The following BIRC6 variants were observed in gnomAD, a reference collection of about 807,000 sequenced individuals.
BIRC6 encodes dual E2 ubiquitin-conjugating enzyme/E3 ubiquitin-protein ligase BIRC6.
Under a neutral mutation model 503.3 loss-of-function variants are expected in BIRC6, and 98 were observed. The ratio of observed to expected loss-of-function variants is 0.19; its 90% CI spans 0.17 to 0.23. BIRC6 has a LOEUF of 0.23. Ranked by LOEUF, BIRC6 falls within the 10% of genes least tolerant of loss-of-function variation. BIRC6 has a pLI of 1.00. For synonymous variants in BIRC6, 2,240 were observed against 2,078.7 expected (o/e 1.08, Z -2.11); for missense variants, 5,360 against 5,806.0 (o/e 0.92, Z 2.50).
intron 65 of BIRC6, chr2:32,557,581 C>T (rs2058868041): frequency 6.6e-6 from 1 of 152,136 alleles, no homozygotes; most frequent in Non-Finnish European, 1.5e-5. Flanking sequence ...GCTCTTAGAG[C>T]AAGGGAGTTA....
At chr2:32,608,606 G>A (rs965379648) in intron 72 of BIRC6, among the ~76,000 whole-genome samples, 4 of 151,888 alleles carry the variant, frequency 2.6e-5, no homozygotes, top group Admixed American at 6.6e-5. Flanking sequence ...TAGTAGAGAC[G>A]GGGTTTCACC....
chr2:32,395,760 G>C (rs1265102592), intron 6 of BIRC6, among the ~76,000 whole-genome samples, 167 bp downstream of exon 6: 1 of 152,116 alleles, frequency 6.6e-6, no homozygotes, highest in Non-Finnish European at 1.5e-5. Context: ...CACACCACTT[G>C]GCATACAGTG....
chr2:32,526,555 G>C (rs1023674513), intron 59 of BIRC6: 1 of 152,396 alleles, frequency 6.6e-6, no homozygotes, highest in African/African-American at 2.4e-5. Flanking sequence ...TGGTGTTGGA[G>C]TGACCACCAT....
intron 32 of BIRC6, 31 bp from the exon 33 acceptor site, chr2:32,473,081 A>G (rs1276684112): frequency 6.6e-7 from 1 of 1,525,144 alleles, no homozygotes; most frequent in South Asian, 1.3e-5. Context: ...ATTTAACAGA[A>G]TTATTAATAC....
intron 21 of BIRC6, among the ~76,000 whole-genome samples, chr2:32,448,246 C>G (rs1160033585): frequency 4.3e-5 from 4 of 92,838 alleles, no homozygotes; most frequent in Admixed American, 2.3e-4. Flanking sequence ...ACTTCCCAGA[C>G]GGGGTGGCGG....
chr2:32,545,175 A>T (rs1203356041), intron 62 of BIRC6, among the ~76,000 whole-genome samples: 1 of 152,138 alleles, frequency 6.6e-6, no homozygotes. Context: ...TCCATGTAGC[A>T]TTGCTTTCTT....
intron 66 of BIRC6, among the ~76,000 whole-genome samples, chr2:32,586,028 G>A (rs2060998148): frequency 6.6e-6 from 1 of 152,134 alleles, no homozygotes; most frequent in Non-Finnish European, 1.5e-5. Context: ...TTCTGATACT[G>A]TTGATGTTCA....
At chr2:32,500,857 A>T (rs1297966401) in intron 46 of BIRC6, among the ~76,000 whole-genome samples, 1 of 151,688 alleles carries the variant, frequency 6.6e-6, no homozygotes. Flanking sequence ...TGCCCACCTC[A>T]GCCTCCGAAA....
chr2:32,547,705 T>C (rs1280310529), intron 63 of BIRC6, 145 bp from the exon 64 acceptor site: 3 of 655,310 alleles, frequency 4.6e-6, no homozygotes, highest in Non-Finnish European at 7.4e-6. Flanking sequence ...TGCTGGGTCA[T>C]ACAGAAAATC....
chr2:32,610,052 A>C (rs746048624), intron 72 of BIRC6, among the ~76,000 whole-genome samples: 1 of 151,980 alleles, frequency 6.6e-6, no homozygotes, highest in Non-Finnish European at 1.5e-5. Context: ...GTCCCATCTG[A>C]TTCTGTTGTT....
chr2:32,376,744 A>G (rs1046375794), intron 1 of BIRC6, among the ~76,000 whole-genome samples: 1 of 152,192 alleles, frequency 6.6e-6, no homozygotes, highest in African/African-American at 2.4e-5. Context: ...CTTCTTATGC[A>G]TACCTGTAAT....
At chr2:32,409,593 A>G (rs2041629990) in intron 9 of BIRC6, among the ~76,000 whole-genome samples, 1 of 152,194 alleles carries the variant, frequency 6.6e-6, no homozygotes, top group African/African-American at 2.4e-5. Flanking sequence ...CACAGATCAG[A>G]ATTAAGTATA....
chr2:32,502,778 C>T lies in BIRC6; in HGVS notation c.9208-17C>T. On this transcript the variant is annotated splice_polypyrimidine_tract_variant and intron_variant, in intron 47 of 73. Coordinates refer to ENST00000421745, the MANE Select transcript of BIRC6 (RefSeq NM_016252.4). ...CAGGAATATATAAAGTCATAATATG[C>T]ATATTTCATTTTTTAGGGCTCTCTT... is the stretch of plus-strand genomic sequence containing the variant. The T allele has an allele frequency of 6.4e-7, 1 of 1,569,094 alleles. No homozygotes were observed. The highest frequency in any genetic ancestry group is 8.7e-7 in the Non-Finnish European group (1 of 1,144,364).
At chr2:32,450,583 G>A (rs1391588168) in intron 22 of BIRC6, among the ~76,000 whole-genome samples, 1 of 152,158 alleles carries the variant, frequency 6.6e-6, no homozygotes, top group African/African-American at 2.4e-5. Context: ...AGACAGAAAT[G>A]TAAATGTCAT....
intron 29 of BIRC6, among the ~76,000 whole-genome samples, 177 bp downstream of exon 29, chr2:32,468,960 C>G (rs1445490269): frequency 6.6e-6 from 1 of 152,130 alleles, no homozygotes; most frequent in Non-Finnish European, 1.5e-5. Flanking sequence ...TTAAACATTT[C>G]TTAAATGAAG....
intron 15 of BIRC6, among the ~76,000 whole-genome samples, chr2:32,439,158 ATAGCT>A (rs1449964873): frequency 6.6e-6 from 1 of 151,918 alleles, no homozygotes; most frequent in East Asian, 1.9e-4. Context: ...TATCTAGATG[ATAGCT>A]TAATGACAGT....
intron 2 of BIRC6, chr2:32,379,611 G>A (rs1180318205): frequency 6.6e-6 from 1 of 152,094 alleles, no homozygotes; most frequent in Non-Finnish European, 1.5e-5. Flanking sequence ...CATCAGATTA[G>A]TTTGTCACTG....
intron 70 of BIRC6, among the ~76,000 whole-genome samples, chr2:32,601,877 A>T (rs1170119041): frequency 6.6e-6 from 1 of 152,190 alleles, no homozygotes. Context: ...GCGTGAGGCT[A>T]GATTTGATCC....
chr2:32,415,519 T>C lies in BIRC6; in HGVS notation c.2228T>C (p.Ile743Thr), dbSNP rs1481456507. Residue 743 changes from isoleucine (I) to threonine (T), a missense_variant, in exon 10 of 74, where the codon ATT (isoleucine) becomes ACT (threonine). Physicochemically the swap from Ile to Thr is moderately conservative, Grantham distance 89. This residue lies in a region of BIRC6 where 700 missense variants were observed against 739.3 expected (regional missense o/e 0.95). Transcript: ENST00000421745. ...IDSITPCADG[I>T]HLLVGLRTCP... The stretch of plus-strand genomic sequence containing the variant: ...TCAATAACTCCTTGTGCTGACGGAA[T>C]TCATTTGTTGGTAGGACTGCGGACA... 6.2e-7 allele frequency: 1 copy of C among 1,613,932 alleles called. No homozygotes were observed. The highest frequency in any genetic ancestry group is 8.5e-7 in the Non-Finnish European group (1 of 1,179,920).
Sources: allele counts gnomAD v4.1 joint callset (sites outside exome capture counted in the v4.1 genomes callset), GRCh38; gene constraint gnomAD v4.1.1; regional missense constraint gnomAD v4.1.1; transcripts MANE v1.5; gene names NCBI Gene and HGNC (gene_info 2026-07-23, HGNC 2026-07-21).